Variants in OR7C1 observed in about 807,000 individuals in gnomAD.
OR7C1 encodes olfactory receptor 7C1.
For missense variants in OR7C1, 324 were observed against 383.3 expected, an observed-to-expected ratio of 0.85 and a Z score of 1.29; for synonymous variants, 152 against 160.7, an observed-to-expected ratio of 0.95 and a Z score of 0.41.
intron 1 of OR7C1, among the ~76,000 whole-genome samples, chr19:14,814,960 C>T (rs954277526): frequency 4.6e-5 from 7 of 152,218 alleles, no homozygotes; most frequent in East Asian, 3.8e-4. Context: ...CAGGGCCTAA[C>T]GCCATGCCCG....
chr19:14,830,454 C>T (rs986764849), intron 1 of OR7C1, among the ~76,000 whole-genome samples: 10 of 152,116 alleles, frequency 6.6e-5, no homozygotes, highest in Non-Finnish European at 1.2e-4. Context: ...AAGGAACTGA[C>T]TCCAAGGAGA....
chr19:14,815,906 C>T (rs1039358003), intron 1 of OR7C1, among the ~76,000 whole-genome samples: 2 of 151,992 alleles, frequency 1.3e-5, no homozygotes, highest in Non-Finnish European at 1.5e-5. Flanking sequence ...ACTGCAGCCT[C>T]TACCTCCCCA....
At chr19:14,823,143 T>G (rs1306019966) in intron 1 of OR7C1, among the ~76,000 whole-genome samples, 4 of 152,178 alleles carry the variant, frequency 2.6e-5, no homozygotes, top group African/African-American at 9.6e-5. Context: ...GTGTTATCCT[T>G]AAATGTTTTT....
At position 14,805,254 on chromosome 19, in the gene OR7C1, T is replaced by C. The variant is rs143227585; in HGVS notation, c.-434-4490A>G. Among the ~76,000 whole-genome samples, 3 of 151,800 alleles carry C rather than the reference T, an allele frequency of 2.0e-5. No individual in the cohort carries two copies. The East Asian group carries it at 5.8e-4, about 29-fold the overall frequency. On this transcript the variant is annotated intron_variant, in intron 2 of 4. Transcript: ENST00000641666. ...AAAAAAATCTGAGAGTTCTTGGGGC[T>C]AGAGCTTCCTCACACTCAAGGGGAA...
chr19:14,799,795 G>A, exon 5 of OR7C1: 3 of 1,613,784 alleles, frequency 1.9e-6, no homozygotes, highest in Non-Finnish European at 2.5e-6. Flanking sequence ...TCACGGTCAA[G>A]AGTAAATTGT....
chr19:14,813,275 C>G (rs1599917169), intron 1 of OR7C1, among the ~76,000 whole-genome samples: 2 of 152,120 alleles, frequency 1.3e-5, no homozygotes, highest in Middle Eastern at 6.8e-3. Context: ...TACCACCCTG[C>G]CAGGCGCAGT....
intron 2 of OR7C1, among the ~76,000 whole-genome samples, chr19:14,809,366 C>A (rs776374850): frequency 2.6e-5 from 4 of 151,886 alleles, no homozygotes; most frequent in Non-Finnish European, 5.9e-5. Context: ...AAGGTCAGAT[C>A]CGGCTGCAGG....
At chr19:14,819,086 T>G (rs564814432) in intron 1 of OR7C1, among the ~76,000 whole-genome samples, 1 of 152,004 alleles carries the variant, frequency 6.6e-6, no homozygotes, top group East Asian at 1.9e-4. Flanking sequence ...ATATTCCCCT[T>G]CCTGTGTCCA....
intron 1 of OR7C1, among the ~76,000 whole-genome samples, chr19:14,820,454 G>A (rs2044735582): frequency 2.6e-5 from 4 of 151,986 alleles, no homozygotes; most frequent in Admixed American, 6.6e-5. Context: ...TGCATGAGGG[G>A]CTTAAAACCT....
At chr19:14,816,697 C>T (rs965296942) in intron 1 of OR7C1, among the ~76,000 whole-genome samples, 7 of 151,990 alleles carry the variant, frequency 4.6e-5, no homozygotes, top group African/African-American at 7.3e-5. Context: ...CTTCACCTTG[C>T]GATAATGTGA....
chr19:14,815,917 G>A (rs2044714401), intron 1 of OR7C1, among the ~76,000 whole-genome samples: 1 of 151,902 alleles, frequency 6.6e-6, no homozygotes, highest in African/African-American at 2.4e-5. Context: ...TACCTCCCCA[G>A]CTCAAACGAT....
intron 1 of OR7C1, among the ~76,000 whole-genome samples, chr19:14,834,364 C>T (rs2044864048): frequency 1.3e-5 from 2 of 152,280 alleles, no homozygotes; most frequent in East Asian, 3.9e-4. Flanking sequence ...AATCTCAGCA[C>T]TATTGATATT....
In OR7C1 at chr19:14,823,344, C is replaced by G. The variant is rs188048399; in HGVS notation, c.-623+11730G>C. Among the ~76,000 whole-genome samples the G allele has an allele frequency of 2.1e-3, 322 of 152,104 alleles. 3 individuals carry two copies. Among genetic ancestry groups the G allele is most frequent in the African/African-American group, 7.4e-3 (308 of 41,500 alleles). On this transcript the variant is annotated intron_variant, in intron 1 of 4. Coordinates refer to ENST00000641666, the Ensembl canonical transcript of OR7C1. The stretch of plus-strand genomic sequence containing the variant: ...GCATGTGCCTGTAATCCCAGCTACT[C>G]GGGAGGCTGAGGCAAAAGGATTGCT...
At chr19:14,799,221 T>C in exon 5 of OR7C1, 1 of 1,613,998 alleles carries the variant, frequency 6.2e-7, no homozygotes, top group East Asian at 2.2e-5. Flanking sequence ...GTTGCCCTAC[T>C]GAGGAGTCTC....
intron 1 of OR7C1, among the ~76,000 whole-genome samples, chr19:14,830,047 G>C (rs1180551924): frequency 1.3e-5 from 2 of 152,082 alleles, no homozygotes; most frequent in African/African-American, 2.4e-5. Flanking sequence ...ATTTTTTGTG[G>C]AGACCAGGTC....
At chr19:14,824,480 G>A (rs1196556628) in intron 1 of OR7C1, 1 of 152,142 alleles carries the variant, frequency 6.6e-6, no homozygotes, top group Non-Finnish European at 1.5e-5. Context: ...TGAAGTATTT[G>A]GTTTTCTGTT....
chr19:14,830,537 T>C (rs2044821350), intron 1 of OR7C1, among the ~76,000 whole-genome samples: 1 of 152,200 alleles, frequency 6.6e-6, no homozygotes. Flanking sequence ...TCAGCTTCCA[T>C]TGTATCTCCT....
chr19:14,828,398 T>A, intron 1 of OR7C1: 2 of 800,156 alleles, frequency 2.5e-6, no homozygotes, highest in South Asian at 3.9e-5. Context: ...GATCTCCATG[T>A]CATCTCTGAT....
intron 1 of OR7C1, among the ~76,000 whole-genome samples, chr19:14,814,262 A>G (rs2044706103): frequency 6.6e-6 from 1 of 152,220 alleles, no homozygotes; most frequent in Non-Finnish European, 1.5e-5. Context: ...GGCAGGAAAC[A>G]TTCACAAACC....
Sources: gnomAD v4.1 joint callset for allele counts (sites outside exome capture counted in the v4.1 genomes callset) on GRCh38, gnomAD v4.1.1 for gene constraint, MANE v1.5 for transcripts, NCBI Gene and HGNC (gene_info 2026-07-23, HGNC 2026-07-21) for gene names.